Variants in LINGO2 observed in about 807,000 individuals in gnomAD.
LINGO2 encodes leucine-rich repeat and immunoglobulin-like domain-containing nogo receptor-interacting protein 2.
In LINGO2, 14 loss-of-function variants were observed where a neutral mutation model predicts 30.6. That is an observed-to-expected ratio of 0.46 (90% CI 0.30 to 0.72). The LOEUF is 0.72. Among genes scored for constraint, LINGO2 ranks in the 30% least tolerant of loss-of-function variants. LINGO2 has a pLI of 0.07. For missense variants in LINGO2, 729 were observed against 751.7 expected (o/e 0.97, Z 0.35); for synonymous variants, 317 against 288.5 (o/e 1.10, Z -1.00).
At chr9:28,717,229 G>A in the LINGO2 span, among the ~76,000 whole-genome samples, 18 of 151,744 alleles carry the variant, frequency 1.2e-4, no homozygotes. Context: ...CATATTGGAG[G>A]AGTGTGCCCA....
chr9:28,768,748 G>C, the LINGO2 span, among the ~76,000 whole-genome samples: 1 of 151,614 alleles, frequency 6.6e-6, no homozygotes, highest in East Asian at 1.9e-4. Context: ...ACTGAATATA[G>C]TACTTCATGG....
intron 3 of LINGO2, among the ~76,000 whole-genome samples, chr9:28,328,621 G>C (rs1019405008): frequency 1.3e-5 from 2 of 151,556 alleles, no homozygotes; most frequent in Non-Finnish European, 2.9e-5. Context: ...CTTGGGAATG[G>C]CATAAAACAA....
the LINGO2 span, among the ~76,000 whole-genome samples, chr9:28,697,405 G>A: frequency 2.0e-5 from 3 of 151,928 alleles, no homozygotes; most frequent in Admixed American, 6.6e-5. Context: ...AATAAAAACC[G>A]ACTATATATT....
chr9:28,279,537 A>G lies in LINGO2; in HGVS notation c.-87+15671T>C, dbSNP rs775091894. ...CCAGCAAAAATATTGTGATTTGTTG[A>G]AGGATCACATGAAGGTTAGCATTCT... On this transcript the variant is annotated intron_variant, in intron 4 of 5. Transcript: ENST00000379992. Among the ~76,000 whole-genome samples the G allele has an allele frequency of 2.0e-5, 3 of 152,324 alleles. No individual in the cohort carries two copies. In the South Asian group the frequency reaches 6.2e-4, roughly 32 times the overall value.
At chr9:28,835,877 T>G in the LINGO2 span, among the ~76,000 whole-genome samples, 1 of 152,240 alleles carries the variant, frequency 6.6e-6, no homozygotes, top group Non-Finnish European at 1.5e-5. Flanking sequence ...ATTACTGCAC[T>G]TATCACACTC....
chr9:28,132,086 A>C (rs1401746419), intron 4 of LINGO2, among the ~76,000 whole-genome samples: 1 of 152,188 alleles, frequency 6.6e-6, no homozygotes, highest in Non-Finnish European at 1.5e-5. Flanking sequence ...CTTGTGCCAA[A>C]AAGTTCAAAG....
chr9:28,372,395 A>G (rs1451144183), intron 3 of LINGO2, among the ~76,000 whole-genome samples: 3 of 152,202 alleles, frequency 2.0e-5, no homozygotes, highest in African/African-American at 7.2e-5. Flanking sequence ...AACATTATGC[A>G]AAGTGAAATA....
intron 3 of LINGO2, among the ~76,000 whole-genome samples, chr9:28,335,873 T>C (rs1463762073): frequency 6.6e-6 from 1 of 152,138 alleles, no homozygotes; most frequent in African/African-American, 2.4e-5. Context: ...TTTTGGATAT[T>C]ACAAGTAAAA....
chr9:28,357,314 A>ATC (rs1820250359), intron 3 of LINGO2, among the ~76,000 whole-genome samples: 2 of 42,176 alleles, frequency 4.7e-5, no homozygotes, highest in Admixed American at 2.0e-4. Context: ...ACAGAAATAA[A>ATC]GCCCACCCCC....
chr9:28,798,407 C>A, the LINGO2 span, among the ~76,000 whole-genome samples: 10 of 151,928 alleles, frequency 6.6e-5, no homozygotes, highest in Non-Finnish European at 1.2e-4. Flanking sequence ...GAGATTTTGC[C>A]CACTGTTACA....
intron 1 of LINGO2, among the ~76,000 whole-genome samples, chr9:28,663,090 G>T (rs1259283285): frequency 6.6e-6 from 1 of 152,050 alleles, no homozygotes; most frequent in African/African-American, 2.4e-5. Context: ...ACCAAAAAAA[G>T]TCATCTAAAT....
Position 28,506,515 on chromosome 9 carries a change from T to TATAG in LINGO2, c.-364-30491_-364-30490insCTAT, listed in dbSNP as rs368408569. Among the ~76,000 whole-genome samples the TATAG allele has an allele frequency of 1.7e-4, 17 of 100,588 alleles. 1 individual carries two copies. Among genetic ancestry groups the TATAG allele is most frequent in the African/African-American group, 2.6e-4 (7 of 27,100 alleles). The allele number at this position is 100,588 out of a possible 152,430, so 66.0% of individuals were successfully genotyped here. ...ACACACACACACAGACATATATATA[T>TATAG]ATATATAAACTGTTGGGGACTAAGT... On this transcript the variant is annotated intron_variant, in intron 1 of 5. Coordinates refer to ENST00000379992, the Ensembl canonical transcript of LINGO2.
chr9:28,610,525 G>C (rs766462037), intron 1 of LINGO2, among the ~76,000 whole-genome samples: 1 of 152,092 alleles, frequency 6.6e-6, no homozygotes, highest in African/African-American at 2.4e-5. Flanking sequence ...TTATGAAAGG[G>C]CTAGAAAAAA....
intron 4 of LINGO2, among the ~76,000 whole-genome samples, chr9:28,119,854 A>G (rs992326385): frequency 6.6e-6 from 1 of 152,204 alleles, no homozygotes; most frequent in African/African-American, 2.4e-5. Flanking sequence ...AAAATAAACA[A>G]GCACAAAAAC....
chr9:28,941,230 G>A, the LINGO2 span, among the ~76,000 whole-genome samples: 1 of 152,158 alleles, frequency 6.6e-6, no homozygotes, highest in Non-Finnish European at 1.5e-5. Flanking sequence ...GCCAGAGAAG[G>A]CTGAGAGGCC....
At chr9:29,078,173 A>T in the LINGO2 span, among the ~76,000 whole-genome samples, 1 of 151,970 alleles carries the variant, frequency 6.6e-6, no homozygotes, top group Non-Finnish European at 1.5e-5. Context: ...CTAGAAAAGG[A>T]GCAGCAATTA....
chr9:28,284,425 T>C (rs1255068850), intron 4 of LINGO2, among the ~76,000 whole-genome samples: 2 of 152,216 alleles, frequency 1.3e-5, no homozygotes. Context: ...CTTGGGATTG[T>C]CTGTGTTTAT....
chr9:28,404,186 G>A (rs945478158), intron 2 of LINGO2, among the ~76,000 whole-genome samples: 1 of 151,818 alleles, frequency 6.6e-6, no homozygotes, highest in Non-Finnish European at 1.5e-5. Flanking sequence ...TTTCTTCAAA[G>A]CTGTCTTTTT....
chr9:28,724,606 C>A, the LINGO2 span, among the ~76,000 whole-genome samples: 1 of 152,038 alleles, frequency 6.6e-6, no homozygotes, highest in Non-Finnish European at 1.5e-5. Context: ...GGAAAGGGAA[C>A]ATGAAAGAGA....
Sources: gnomAD v4.1 joint callset for allele counts (sites outside exome capture counted in the v4.1 genomes callset) on GRCh38, gnomAD v4.1.1 for gene constraint, MANE v1.5 for transcripts, NCBI Gene and HGNC (gene_info 2026-07-23, HGNC 2026-07-21) for gene names.